The following BANK1 variants were observed in gnomAD, a reference collection of about 807,000 sequenced individuals.
The protein encoded by BANK1 is B-cell scaffold protein with ankyrin repeats.
In BANK1, 95 loss-of-function variants were observed where a neutral mutation model predicts 94.5. That is an observed-to-expected ratio of 1.00 (90% CI 0.85 to 1.19). The LOEUF is 1.19. Ranked by LOEUF, BANK1 falls within the 50% of genes most tolerant of loss-of-function variation. The probability of loss-of-function intolerance (pLI) is 0.00; values close to 1 mark genes in which losing one functional copy is unlikely to be tolerated. For synonymous variants in BANK1, 334 were observed against 308.4 expected (o/e 1.08, Z -0.87); for missense variants, 987 against 932.2 (o/e 1.06, Z -0.77).
chr4:101,822,862 G>A (rs997299226), intron 1 of BANK1, among the ~76,000 whole-genome samples: 4 of 152,116 alleles, frequency 2.6e-5, no homozygotes, highest in South Asian at 4.2e-4. Flanking sequence ...TGATCCGCCC[G>A]CCTCGGCCTC....
At chr4:101,886,811 A>G (rs1560617092) in intron 5 of BANK1, among the ~76,000 whole-genome samples, 1 of 151,776 alleles carries the variant, frequency 6.6e-6, no homozygotes. Flanking sequence ...TTCAGTCATT[A>G]CTCCAGAAGT....
At chr4:102,050,425 A>C (rs1251520065) in intron 11 of BANK1, among the ~76,000 whole-genome samples, 1 of 152,220 alleles carries the variant, frequency 6.6e-6, no homozygotes, top group Non-Finnish European at 1.5e-5. Context: ...TTGGTTGCCT[A>C]AGCCCTATCT....
intron 7 of BANK1, among the ~76,000 whole-genome samples, chr4:101,950,885 G>A (rs1724126436): frequency 6.6e-6 from 1 of 152,134 alleles, no homozygotes; most frequent in African/African-American, 2.4e-5. Flanking sequence ...CATAACCTCA[G>A]TCTAATCATG....
intron 3 of BANK1, among the ~76,000 whole-genome samples, chr4:101,860,297 TGG>T (rs1372582507): frequency 6.6e-6 from 1 of 152,160 alleles, no homozygotes; most frequent in Non-Finnish European, 1.5e-5. Context: ...GGTAAGGTCA[TGG>T]GCCCATGAAG....
At chr4:102,034,492 A>G (rs1727433444) in intron 10 of BANK1, among the ~76,000 whole-genome samples, 1 of 152,208 alleles carries the variant, frequency 6.6e-6, no homozygotes, top group Non-Finnish European at 1.5e-5. Flanking sequence ...CATGTGGTAT[A>G]TGTTCAATGC....
chr4:102,040,769 G>A (rs773051040), intron 10 of BANK1, among the ~76,000 whole-genome samples: 8 of 151,920 alleles, frequency 5.3e-5, no homozygotes, highest in African/African-American at 1.7e-4. Context: ...TCCCAGCACC[G>A]TTGGACCTGG....
At chr4:101,876,734 A>G (rs1728503670) in intron 5 of BANK1, among the ~76,000 whole-genome samples, 1 of 152,222 alleles carries the variant, frequency 6.6e-6, no homozygotes, top group African/African-American at 2.4e-5. Context: ...ATGAAGAAAC[A>G]TAGATATGTG....
intron 7 of BANK1, chr4:101,981,895 A>G (rs1354685115): frequency 6.6e-6 from 1 of 152,166 alleles, no homozygotes; most frequent in Admixed American, 6.6e-5. Flanking sequence ...GCTGCTTGGC[A>G]TACTTCTTGT....
At position 101,838,772 on chromosome 4, in the gene BANK1, C is replaced by G. The variant is rs1726924382; in HGVS notation, c.469+8566C>G. On this transcript the variant is annotated intron_variant, in intron 2 of 16. Coordinates refer to ENST00000322953, the MANE Select transcript of BANK1 (RefSeq NM_017935.5). ...ACCTTTGAGCTGTGTTTGACTTGAA[C>G]ATGCTCTCCCTTAGCTGGTGACCAG... 2.6e-5 allele frequency among the ~76,000 whole-genome samples: 4 copies of G among 152,232 alleles called. No homozygotes were observed. In the South Asian group the frequency reaches 8.3e-4, roughly 31 times the overall value.
chr4:101,889,575 G>A (rs947016558), intron 5 of BANK1, among the ~76,000 whole-genome samples: 4 of 138,208 alleles, frequency 2.9e-5, no homozygotes, highest in African/African-American at 1.1e-4. Flanking sequence ...TCCGCAGTCC[G>A]GCCTGGGCGA....
At chr4:101,797,445 A>C (rs1414410760) in intron 1 of BANK1, among the ~76,000 whole-genome samples, 2 of 152,192 alleles carry the variant, frequency 1.3e-5, no homozygotes, top group Non-Finnish European at 2.9e-5. Context: ...TTGTGTTAGA[A>C]GATCACATGA....
intron 7 of BANK1, among the ~76,000 whole-genome samples, chr4:101,957,685 T>G (rs538718857): frequency 6.6e-6 from 1 of 152,352 alleles, no homozygotes; most frequent in East Asian, 1.9e-4. Flanking sequence ...GTCTTGAATT[T>G]TATTTAATGT....
chr4:101,842,973 C>A (rs1180123987), intron 2 of BANK1, among the ~76,000 whole-genome samples: 3 of 152,196 alleles, frequency 2.0e-5, no homozygotes, highest in African/African-American at 7.2e-5. Context: ...TTTCAGTTAT[C>A]TTCTCATGCT....
intron 5 of BANK1, among the ~76,000 whole-genome samples, chr4:101,889,604 CAAAAA>C (rs59341810): frequency 7.3e-5 from 4 of 54,914 alleles, no homozygotes; most frequent in Non-Finnish European, 1.0e-4. Flanking sequence ...GACTCCGTCT[CAAAAA>C]AAAAAAAAAA....
At chr4:101,947,990 A>G (rs1723994117) in intron 7 of BANK1, among the ~76,000 whole-genome samples, 1 of 152,066 alleles carries the variant, frequency 6.6e-6, no homozygotes, top group Non-Finnish European at 1.5e-5. Context: ...TTTAAACATG[A>G]ATATGTCCTT....
At chr4:101,947,952 C>A (rs1269076866) in intron 7 of BANK1, among the ~76,000 whole-genome samples, 1 of 151,974 alleles carries the variant, frequency 6.6e-6, no homozygotes, top group Non-Finnish European at 1.5e-5. Flanking sequence ...AGCAACAGTT[C>A]TTTTCTTCTC....
At chr4:102,002,047 A>G (rs1047078863) in intron 7 of BANK1, among the ~76,000 whole-genome samples, 5 of 152,196 alleles carry the variant, frequency 3.3e-5, no homozygotes, top group Admixed American at 6.5e-5. Flanking sequence ...CAACACCTCC[A>G]TGTTTTTGGC....
intron 5 of BANK1, among the ~76,000 whole-genome samples, chr4:101,872,959 G>T (rs1728350015): frequency 6.6e-6 from 1 of 150,630 alleles, no homozygotes. Flanking sequence ...CAGCACTCCA[G>T]CCTGGGTGAC....
At position 102,071,282 on chromosome 4, in the gene BANK1, C is replaced by A; in HGVS notation, c.2220C>A (p.Leu740=). 1.9e-6 allele frequency: 3 copies of A among 1,613,860 alleles called. No individual in the cohort carries two copies. The highest frequency in any genetic ancestry group is 2.5e-6 in the Non-Finnish European group (3 of 1,179,836). The change falls in exon 14 of 17, where the codon CTC becomes CTA. Residue 740 remains leucine (L), a synonymous_variant. Coordinates refer to ENST00000322953, the MANE Select transcript of BANK1 (RefSeq NM_017935.5). ...RPEEENVYNK[L]TIVHHPGGKE... is the part of the protein sequence containing the mutation. ...CTTTTTTTTGTCTTCCAGATAAACT[C>A]ACCATTGTGCACCATCCAGGTGGTA...
Sources: gnomAD v4.1 joint callset for allele counts (sites outside exome capture counted in the v4.1 genomes callset) on GRCh38, gnomAD v4.1.1 for gene constraint, MANE v1.5 for transcripts, NCBI Gene and HGNC (gene_info 2026-07-23, HGNC 2026-07-21) for gene names.